Variants in RALYL observed in about 807,000 individuals in gnomAD.
The protein encoded by RALYL is RNA-binding Raly-like protein.
A neutral mutation model predicts 35.1 loss-of-function variants in RALYL; 29 were observed. The ratio of observed to expected loss-of-function variants is 0.83; its 90% CI spans 0.61 to 1.13. The LOEUF is 1.13. Among genes scored for constraint, RALYL ranks in the 50% most tolerant of loss-of-function variants. The pLI, the probability that RALYL is intolerant of heterozygous loss-of-function variation, is 0.00. For synonymous variants in RALYL, 120 were observed against 127.6 expected, an observed-to-expected ratio of 0.94 and a Z score of 0.40; for missense variants, 359 against 360.4, an observed-to-expected ratio of 1.00 and a Z score of 0.03.
chr8:84,834,588 C>T lies in RALYL; in HGVS notation c.366-15392C>T, dbSNP rs142771413. Among the ~76,000 whole-genome samples, 23 of 152,246 alleles carry T rather than the reference C, an allele frequency of 1.5e-4. No individual in the cohort carries two copies. In the East Asian group the frequency reaches 3.7e-3, roughly 24 times the overall value. On this transcript the variant is annotated intron_variant, in intron 4 of 8. Coordinates refer to ENST00000521268, the MANE Select transcript of RALYL (RefSeq NM_173848.7). Reference sequence around the variant, plus strand: ...TATGCCTTGCAGTTTTCCTCCAGCACCCTGTACTGCCAAACTTTAACACTG... The same window carrying T: ...TATGCCTTGCAGTTTTCCTCCAGCATCCTGTACTGCCAAACTTTAACACTG...
intron 1 of RALYL, among the ~76,000 whole-genome samples, chr8:84,215,054 C>T (rs140526958): frequency 0.014 from 2,074 of 151,872 alleles, 46 homozygotes; most frequent in African/African-American, 0.046. Flanking sequence ...TACAGGCACC[C>T]GCCACTGTGC....
intron 2 of RALYL, among the ~76,000 whole-genome samples, chr8:84,612,576 TTAAAAA>T (rs1244365732): frequency 6.6e-6 from 1 of 151,868 alleles, no homozygotes; most frequent in Non-Finnish European, 1.5e-5. Flanking sequence ...TGCAAGGACT[TTAAAAA>T]TAAACAGTCT....
At chr8:84,266,892 G>A (rs979074453) in intron 1 of RALYL, among the ~76,000 whole-genome samples, 1 of 150,328 alleles carries the variant, frequency 6.7e-6, no homozygotes, top group Non-Finnish European at 1.5e-5. Flanking sequence ...CCCGGGAGGC[G>A]GAGCTTGCAG....
intron 2 of RALYL, among the ~76,000 whole-genome samples, chr8:84,753,848 A>C (rs936353904): frequency 1.3e-5 from 2 of 152,152 alleles, no homozygotes; most frequent in Non-Finnish European, 2.9e-5. Flanking sequence ...CAATGTGAGA[A>C]TATCTCATAG....
At chr8:84,253,594 C>T (rs1830654078) in intron 1 of RALYL, among the ~76,000 whole-genome samples, 1 of 151,974 alleles carries the variant, frequency 6.6e-6, no homozygotes. Context: ...TTCTAATTGT[C>T]CTGCTCTTCA....
chr8:84,311,884 A>T (rs1258367687), intron 1 of RALYL, among the ~76,000 whole-genome samples: 1 of 152,230 alleles, frequency 6.6e-6, no homozygotes, highest in Non-Finnish European at 1.5e-5. Context: ...CAAGGAATTT[A>T]GTAAAAGAGT....
intron 2 of RALYL, among the ~76,000 whole-genome samples, chr8:84,758,805 G>A (rs560267686): frequency 4.7e-4 from 72 of 152,302 alleles, no homozygotes; most frequent in South Asian, 1.4e-3. Context: ...TTAAGTGGAG[G>A]TAGTTAAGTT....
At chr8:84,823,577 G>A (rs909180174) in intron 4 of RALYL, among the ~76,000 whole-genome samples, 1 of 152,016 alleles carries the variant, frequency 6.6e-6, no homozygotes, top group South Asian at 2.1e-4. Flanking sequence ...AGACTAGAAA[G>A]CCCTGAATAT....
intron 2 of RALYL, among the ~76,000 whole-genome samples, chr8:84,600,576 C>T (rs998515404): frequency 3.9e-5 from 6 of 152,120 alleles, no homozygotes; most frequent in Non-Finnish European, 5.9e-5. Context: ...ATCCCCATAG[C>T]TGACATTTGC....
At chr8:84,425,442 C>A (rs2046290071) in intron 1 of RALYL, among the ~76,000 whole-genome samples, 1 of 152,202 alleles carries the variant, frequency 6.6e-6, no homozygotes, top group Non-Finnish European at 1.5e-5. Flanking sequence ...GGCCTGCGCC[C>A]ACTGTCTGGC....
chr8:84,633,461 G>A (rs1289732140), intron 2 of RALYL, among the ~76,000 whole-genome samples: 3 of 151,832 alleles, frequency 2.0e-5, no homozygotes, highest in African/African-American at 7.2e-5. Context: ...TTATTTGATA[G>A]TGAATTGAAA....
At chr8:84,714,360 C>T (rs141873392) in intron 2 of RALYL, among the ~76,000 whole-genome samples, 3 of 151,784 alleles carry the variant, frequency 2.0e-5, no homozygotes, top group African/African-American at 7.2e-5. Flanking sequence ...ACAGTCATAA[C>T]AATATATCAT....
chr8:84,493,180 T>C (rs570341513), intron 1 of RALYL, among the ~76,000 whole-genome samples: 1 of 152,148 alleles, frequency 6.6e-6, no homozygotes, highest in Admixed American at 6.6e-5. Flanking sequence ...TGGTTTTCTG[T>C]ACCCGTGTTA....
intron 2 of RALYL, among the ~76,000 whole-genome samples, chr8:84,563,770 G>A (rs894636336): frequency 6.6e-6 from 1 of 151,320 alleles, no homozygotes; most frequent in African/African-American, 2.4e-5. Context: ...TTCTTATTTT[G>A]GTTACATGAT....
At chr8:84,468,182 CATT>C (rs1252360696) in intron 1 of RALYL, among the ~76,000 whole-genome samples, 2 of 151,678 alleles carry the variant, frequency 1.3e-5, no homozygotes, top group South Asian at 4.2e-4. Flanking sequence ...TTGATCCTGT[CATT>C]ATGATTATAG....
In RALYL at chr8:84,514,090, T is replaced by TAAAAAA. The variant is rs57881021; in HGVS notation, c.-23-15189_-23-15184dup. Among the ~76,000 whole-genome samples the TAAAAAA allele has an allele frequency of 6.3e-3, 255 of 40,752 alleles. 1 individual carries two copies. Among genetic ancestry groups the TAAAAAA allele is most frequent in the Middle Eastern group, 0.028 (1 of 36 alleles). The allele number at this position is 40,752 out of a possible 152,430, so 26.7% of individuals were successfully genotyped here. The stretch of plus-strand genomic sequence containing the variant: ...GCCTGGGTGACAGTGAGATTTCATC[T>TAAAAAA]AAAAAAAAAAAAAAAAAAAAAAAAA... On this transcript the variant is annotated intron_variant, in intron 1 of 8. Coordinates refer to ENST00000521268, the MANE Select transcript of RALYL (RefSeq NM_173848.7).
At chr8:84,724,361 T>A (rs1844553790) in intron 2 of RALYL, among the ~76,000 whole-genome samples, 1 of 151,826 alleles carries the variant, frequency 6.6e-6, no homozygotes. Flanking sequence ...TCATAAATAA[T>A]TCATCATCAT....
At chr8:84,793,817 G>A (rs1408108578) in intron 3 of RALYL, among the ~76,000 whole-genome samples, 1 of 152,164 alleles carries the variant, frequency 6.6e-6, no homozygotes, top group Non-Finnish European at 1.5e-5. Context: ...GGAAAGCTTG[G>A]TTAGAGAGGG....
At chr8:84,915,455 C>G (rs935096057) in intron 8 of RALYL, among the ~76,000 whole-genome samples, 2 of 152,040 alleles carry the variant, frequency 1.3e-5, no homozygotes, top group African/African-American at 4.8e-5. Flanking sequence ...TCGTCATACT[C>G]TCTAGATTTT....
Sources: gnomAD v4.1 joint callset for allele counts (sites outside exome capture counted in the v4.1 genomes callset) on GRCh38, gnomAD v4.1.1 for gene constraint, MANE v1.5 for transcripts, NCBI Gene and HGNC (gene_info 2026-07-23, HGNC 2026-07-21) for gene names.